The following BRD10 variants were observed in gnomAD, a reference collection of about 807,000 sequenced individuals.
BRD10 encodes the protein uncharacterized bromodomain-containing protein 10.
At chr9:5,979,140 ATC>A in the BRD10 span, among the ~76,000 whole-genome samples, 1 of 152,242 alleles carries the variant, frequency 6.6e-6, no homozygotes, top group Non-Finnish European at 1.5e-5. Context: ...GAGTTTAAAA[ATC>A]TGTTTCAATT....
At chr9:5,924,596 A>G in the BRD10 span, 23 of 1,027,318 alleles carry the variant, frequency 2.2e-5, no homozygotes, top group Non-Finnish European at 3.0e-5. Context: ...TTGCCTTCAC[A>G]GCAAACAAAA....
the BRD10 span, among the ~76,000 whole-genome samples, chr9:5,895,396 T>C: frequency 2.0e-5 from 3 of 151,890 alleles, no homozygotes; most frequent in Admixed American, 2.0e-4. Flanking sequence ...TTTTTTTTTT[T>C]AATTTTTTTG....
chr9:5,966,406 G>C, the BRD10 span, among the ~76,000 whole-genome samples: 1 of 144,702 alleles, frequency 6.9e-6, no homozygotes, highest in Non-Finnish European at 1.5e-5. Flanking sequence ...GAGTTGGGAA[G>C]TAGTTCTAAT....
the BRD10 span, among the ~76,000 whole-genome samples, chr9:5,970,970 T>A: frequency 7.0e-6 from 1 of 143,722 alleles, no homozygotes; most frequent in African/African-American, 2.6e-5. Flanking sequence ...GAGAATCGCT[T>A]GAATCTGGGA....
the BRD10 span, among the ~76,000 whole-genome samples, chr9:5,914,409 G>GTTT: frequency 0.046 from 4,913 of 106,500 alleles, 413 homozygotes; most frequent in South Asian, 0.06. Context: ...AAATCCAGAT[G>GTTT]GTTTTTTTTT....
chr9:5,979,724 G>T, the BRD10 span, among the ~76,000 whole-genome samples: 2 of 151,806 alleles, frequency 1.3e-5, no homozygotes, highest in Non-Finnish European at 2.9e-5. Context: ...TATCTTTTAA[G>T]TATCTAAAAT....
the BRD10 span, among the ~76,000 whole-genome samples, chr9:5,924,109 A>T: frequency 0.013 from 1,943 of 152,304 alleles, 22 homozygotes; most frequent in Non-Finnish European, 0.02. Flanking sequence ...TCTATTTCTA[A>T]AGTAAATTTC....
At chr9:5,915,900 T>C in the BRD10 span, among the ~76,000 whole-genome samples, 1 of 152,230 alleles carries the variant, frequency 6.6e-6, no homozygotes, top group Admixed American at 6.5e-5. Flanking sequence ...TAAGAATGTT[T>C]TACATGCATC....
chr9:5,942,130 A>T, the BRD10 span, among the ~76,000 whole-genome samples: 5 of 152,266 alleles, frequency 3.3e-5, no homozygotes, highest in South Asian at 1.0e-3. Context: ...CTTAGTTTTG[A>T]CAGTGAAATA....
the BRD10 span, among the ~76,000 whole-genome samples, chr9:6,005,788 A>C: frequency 2.6e-5 from 4 of 152,350 alleles, no homozygotes; most frequent in South Asian, 4.1e-4. Flanking sequence ...AAGGGTAACA[A>C]ACACACTACA....
At chr9:5,905,237 C>T in the BRD10 span, among the ~76,000 whole-genome samples, 1 of 152,090 alleles carries the variant, frequency 6.6e-6, no homozygotes, top group African/African-American at 2.4e-5. Context: ...AAACAAAATC[C>T]TAAATCCTCC....
chr9:5,979,382 T>A, the BRD10 span, among the ~76,000 whole-genome samples: 1 of 152,052 alleles, frequency 6.6e-6, no homozygotes, highest in Non-Finnish European at 1.5e-5. Flanking sequence ...AGTGTGGTGG[T>A]CATGCCTGTA....
the BRD10 span, chr9:5,897,696 C>T: frequency 6.6e-7 from 1 of 1,513,532 alleles, no homozygotes. Context: ...AAGTCCAGGG[C>T]CCTCTTTCCA....
the BRD10 span, among the ~76,000 whole-genome samples, chr9:5,945,511 GT>G: frequency 1.3e-5 from 2 of 152,086 alleles, no homozygotes; most frequent in Admixed American, 6.6e-5. Context: ...CTTAATATCA[GT>G]TTAGTAGTCT....
At chr9:5,955,332 T>C in the BRD10 span, among the ~76,000 whole-genome samples, 47 of 152,320 alleles carry the variant, frequency 3.1e-4, no homozygotes, top group African/African-American at 1.1e-3. Flanking sequence ...AATACTTTTC[T>C]GTCATTTTTA....
At chr9:5,879,261 G>A in the BRD10 span, among the ~76,000 whole-genome samples, 277 of 152,014 alleles carry the variant, frequency 1.8e-3, 1 homozygote, top group Non-Finnish European at 3.8e-4. Context: ...TCAGGAGTTC[G>A]AGACCAGCCT....
chr9:5,999,415 G>A, the BRD10 span, among the ~76,000 whole-genome samples: 1 of 151,810 alleles, frequency 6.6e-6, no homozygotes, highest in Non-Finnish European at 1.5e-5. Context: ...ATAGTCAAAC[G>A]CAATACTTTT....
At chr9:5,989,235 T>TA in the BRD10 span, among the ~76,000 whole-genome samples, 19,407 of 46,076 alleles carry the variant, frequency 0.42, 4,559 homozygotes, top group Non-Finnish European at 0.52. Context: ...TCTGTCTCAT[T>TA]AAAAAAAAAA....
At chr9:5,964,836 C>T in the BRD10 span, among the ~76,000 whole-genome samples, 1 of 110,688 alleles carries the variant, frequency 9.0e-6, no homozygotes, top group African/African-American at 3.5e-5. Context: ...TATTCTCACT[C>T]ATAGGTGGGA....
Sources: gnomAD v4.1 joint callset for allele counts (sites outside exome capture counted in the v4.1 genomes callset) on GRCh38, gnomAD v4.1.1 for gene constraint, MANE v1.5 for transcripts, NCBI Gene and HGNC (gene_info 2026-07-23, HGNC 2026-07-21) for gene names.